TMC6: variants seen among roughly 807,000 people sequenced by gnomAD.
TMC6 encodes transmembrane channel like 6.
TMC6 carries 71 observed loss-of-function variants against 95.4 expected under a neutral mutation model. That is an observed-to-expected ratio of 0.74 (90% CI 0.61 to 0.91). The LOEUF (loss-of-function observed/expected upper bound fraction) is 0.91. TMC6 is among the 40% of genes least tolerant of loss of function. The pLI is 0.00. For synonymous variants in TMC6, 514 were observed against 483.1 expected (o/e 1.06, Z -0.84); for missense variants, 1,074 against 1,079.1 (o/e 1.00, Z 0.07).
rs774407923 is a variant in TMC6 at position 78,120,998 on chromosome 17, T to C, written c.1535+15A>G. The stretch of plus-strand genomic sequence containing the variant: ...GCTCCAGCACCAAATGATGTTTTCA[T>C]GTGCGGCCACACACCTGCAGATGGC... On this transcript the variant is annotated intron_variant, in intron 12 of 19. Transcript: ENST00000590602. 9 of 1,613,276 alleles carry C rather than the reference T, an allele frequency of 5.6e-6. No individual in the cohort carries two copies. The highest frequency in any genetic ancestry group is 1.7e-5 in the Admixed American group (1 of 60,024).
intron 19 of TMC6, 84 bp from the exon 20 acceptor site, chr17:78,113,295 G>A (rs1332785580): frequency 2.1e-6 from 3 of 1,460,046 alleles, no homozygotes; most frequent in Middle Eastern, 1.8e-4. Flanking sequence ...GGCCCGGCGA[G>A]GGACAGGCCA....
In TMC6 at chr17:78,109,407, CAG is replaced by C; in HGVS notation, c.*3739_*3740del. 2.2e-6 allele frequency: 1 copy of C among 456,078 alleles called. No individual in the cohort carries two copies. Among genetic ancestry groups the C allele is most frequent in the Non-Finnish European group, 4.4e-6 (1 of 226,720 alleles). 28.3% of individuals were successfully genotyped at this position (456,078 alleles called of 1,614,324 possible). ...AACAAAGCTGCTTAGCTCTGCATATCAGTGCTTCTCGGCGGAGCTGTGGCTGA... is the reference window on the plus strand; with the variant it reads ...AACAAAGCTGCTTAGCTCTGCATATCTGCTTCTCGGCGGAGCTGTGGCTGA... On this transcript the variant is annotated 3_prime_UTR_variant, in exon 20 of 20. Coordinates refer to ENST00000590602, the MANE Select transcript of TMC6 (RefSeq NM_001127198.5).
chr17:78,112,827 C>G lies in TMC6; in HGVS notation c.*321G>C, dbSNP rs902679325. On this transcript the variant is annotated 3_prime_UTR_variant, in exon 20 of 20. Transcript: ENST00000590602. ...GGCGCCCCCACTCCAGCTGAGGTTC[C>G]CAGGACCCAGACCTGCGCCTGGAGG... The G allele has an allele frequency of 4.5e-6, 2 of 439,864 alleles. No individual in the cohort carries two copies. Among genetic ancestry groups the G allele is most frequent in the Non-Finnish European group, 8.2e-6 (2 of 244,944 alleles). The allele number at this position is 439,864 out of a possible 1,614,324, so 27.2% of individuals were successfully genotyped here.
chr17:78,117,212 C>G, intron 18 of TMC6, 57 bp downstream of exon 18: 1 of 1,587,776 alleles, frequency 6.3e-7, no homozygotes, highest in Non-Finnish European at 8.6e-7. Context: ...AGGGGAGCGT[C>G]ACCCTCAGGT....
rs145120841 is a variant in TMC6 at position 78,121,580 on chromosome 17, G to A, written c.1359C>T (p.His453=). The change falls in exon 11 of 20, where the codon CAC becomes CAT. Residue 453 remains histidine, a synonymous_variant. Transcript: ENST00000590602. The surrounding 1 kb of genome is among the most constrained non-coding windows in gnomAD (Gnocchi z 5.6). ...CCTGGATCATGAACTCCGAGAAGAC[G>A]TGGACGGCCACGGCGCAGCCCAGCG... ...GTALGCAVAV[H]VFSEFMIQSP... 89 of 1,611,390 alleles carry A rather than the reference G, an allele frequency of 5.5e-5. No homozygotes were observed. The highest frequency in any genetic ancestry group is 7.1e-5 in the Non-Finnish European group (84 of 1,179,732).
Position 78,117,648 on chromosome 17 carries a change from G to A in TMC6, c.2022-4C>T. 6.4e-7 allele frequency: 1 copy of A among 1,566,186 alleles called. No homozygotes were observed. The highest frequency in any genetic ancestry group is 1.2e-5 in the South Asian group (1 of 85,978). On this transcript the variant is annotated splice_polypyrimidine_tract_variant and splice_region_variant and intron_variant, in intron 16 of 19. Transcript: ENST00000590602. ...GCAGGTGCTCGAGGGCTTCACCCTGGGGAAGATGCCGACCAGGAACCCTCA... is the reference window on the plus strand; with the variant it reads ...GCAGGTGCTCGAGGGCTTCACCCTGAGGAAGATGCCGACCAGGAACCCTCA...
Position 78,117,550 on chromosome 17 carries a change from G to A in TMC6, c.2116C>T (p.Pro706Ser), listed in dbSNP as rs1446801866. 6.3e-7 allele frequency: 1 copy of A among 1,599,058 alleles called. No homozygotes were observed. Among genetic ancestry groups the A allele is most frequent in the Non-Finnish European group, 8.5e-7 (1 of 1,174,484 alleles). Residue 706 changes from proline (P) to serine (S), a missense_variant, in exon 17 of 20, where the codon CCC (proline) becomes TCC (serine). Physicochemically the swap from Pro to Ser is moderately conservative, Grantham distance 74. Transcript: ENST00000590602. Reference sequence around the variant, plus strand: ...ACCCAGGGCAGCCAGGAGACCCTGGGGCCTGCCGCCTCCAGGTGGCGCACC... The same window carrying A: ...ACCCAGGGCAGCCAGGAGACCCTGGAGCCTGCCGCCTCCAGGTGGCGCACC... Reference protein sequence around the residue: ...VWVRHLEAAGPRVSWLPWVHR... With the variant: ...VWVRHLEAAGSRVSWLPWVHR...
At chr17:78,129,465 C>T (rs1482583543), upstream of TMC6, among the ~76,000 whole-genome samples, 1 of 152,130 alleles carries the variant, frequency 6.6e-6, no homozygotes, top group Non-Finnish European at 1.5e-5. The surrounding 1 kb of genome is among the most constrained non-coding windows in gnomAD (Gnocchi z 4.3). Context: ...ACTTAGTGGT[C>T]CACCTGGGAA....
rs9807014 is a variant in TMC6 at position 78,112,556 on chromosome 17, C to T, written c.*592G>A. On this transcript the variant is annotated 3_prime_UTR_variant, in exon 20 of 20. Coordinates refer to ENST00000590602, the MANE Select transcript of TMC6 (RefSeq NM_001127198.5). ...ACCTATGCCTGGGAGGCAACTGTCC[C>T]CACAACTCATTTGCAACTGATATGT... 25,514 of 163,356 alleles carry T rather than the reference C, an allele frequency of 0.16. 2,295 individuals carry two copies. Among genetic ancestry groups the T allele is most frequent in the East Asian group, 0.23 (1,212 of 5,362 alleles). 10.1% of individuals were successfully genotyped at this position (163,356 alleles called of 1,614,324 possible).
rs1345842200 is a variant in TMC6, at chr17:78,111,233, CG to C, written c.*1914del. ...GCCCCACAGCCTGGCCTGGTTGACA[CG>C]AAAGACTGACTAGCACACACGGTAA... is the stretch of plus-strand genomic sequence containing the variant. On this transcript the variant is annotated 3_prime_UTR_variant, in exon 20 of 20. Coordinates refer to ENST00000590602, the MANE Select transcript of TMC6 (RefSeq NM_001127198.5). 4.8e-4 allele frequency: 73 copies of C among 152,182 alleles called. No individual in the cohort carries two copies. The highest frequency in any genetic ancestry group is 1.7e-3 in the African/African-American group (72 of 41,330). 9.4% of individuals were successfully genotyped at this position (152,182 alleles called of 1,614,324 possible). A position where few individuals can be genotyped will look rare whatever the true frequency, so the allele number is the denominator to read the frequency against.
chr17:78,129,401 C>A (rs1409640911), upstream of TMC6, among the ~76,000 whole-genome samples: 2 of 152,156 alleles, frequency 1.3e-5, no homozygotes, highest in Non-Finnish European at 2.9e-5. The surrounding 1 kb of genome is among the most constrained non-coding windows in gnomAD (Gnocchi z 4.3). Context: ...GATGAGGAAA[C>A]TGAGGCTGAG....
At chr17:78,119,741 C>G (rs189616354) in intron 13 of TMC6, 117 of 402,228 alleles carry the variant, frequency 2.9e-4, no homozygotes, top group African/African-American at 2.2e-3. Context: ...ATCAAGCAGT[C>G]CTCCCACCTC....
chr17:78,120,580 G>A (rs2074362160), intron 13 of TMC6, 73 bp downstream of exon 13: 7 of 1,606,618 alleles, frequency 4.4e-6, no homozygotes, highest in Non-Finnish European at 6.0e-6. Flanking sequence ...CCAGGCCTGA[G>A]AACCTCCCGG....
At position 78,124,709 on chromosome 17, in the gene TMC6, G is replaced by A. The variant is rs753272370; in HGVS notation, c.706C>T (p.Arg236Cys). Residue 236 changes from arginine to cysteine, a missense_variant, in exon 8 of 20, where the codon CGC becomes TGC. Transcript: ENST00000590602. The part of the protein sequence containing the change: ...ALMPWRYALK[R>C]IGGQFGSSVL... ...CTGGAGCCGAACTGGCCCCCGATGC[G>A]CTTCAGGGCGTAGCGCCACGGCATC... 70 of 1,596,142 alleles carry A rather than the reference G, an allele frequency of 4.4e-5. No homozygotes were observed. Among genetic ancestry groups the A allele is most frequent in the African/African-American group, 8.0e-5 (6 of 74,580 alleles).
intron 18 of TMC6, among the ~76,000 whole-genome samples, chr17:78,114,829 C>A (rs1264749905): frequency 6.6e-6 from 1 of 152,202 alleles, no homozygotes; most frequent in African/African-American, 2.4e-5. Flanking sequence ...GACCGACAGC[C>A]CCAAAGACGG....
chr17:78,110,649 GA>G lies in TMC6; in HGVS notation c.*2498del, dbSNP rs75494718. 15,818 of 152,266 alleles carry G rather than the reference GA, an allele frequency of 0.1. 959 individuals carry two copies. Among genetic ancestry groups the G allele is most frequent in the East Asian group, 0.18 (931 of 5,172 alleles). 9.4% of individuals were successfully genotyped at this position (152,266 alleles called of 1,614,324 possible). ...ATCGCGGAGTCTTGTCATTCAGCCT[GA>G]AAATAGCATCAAGTTCCCATCCACT... On this transcript the variant is annotated 3_prime_UTR_variant, in exon 20 of 20. Transcript: ENST00000590602.
upstream of TMC6, among the ~76,000 whole-genome samples, chr17:78,130,081 C>T (rs764275278): frequency 2.0e-5 from 3 of 152,166 alleles, no homozygotes; most frequent in South Asian, 2.1e-4. Flanking sequence ...GGAAGGGCTG[C>T]GGGCTTCCCA....
intron 18 of TMC6, 103 bp downstream of exon 18, chr17:78,117,166 C>A (rs749795686): frequency 3.7e-5 from 48 of 1,289,316 alleles, no homozygotes; most frequent in Middle Eastern, 4.2e-4. Flanking sequence ...AACCCTTTCA[C>A]CAGCCAAGGC....
chr17:78,111,840 T>C lies in TMC6; in HGVS notation c.*1308A>G. On this transcript the variant is annotated 3_prime_UTR_variant, in exon 20 of 20. Transcript: ENST00000590602. The stretch of plus-strand genomic sequence containing the variant: ...ATCCCAAGCGCAGCTCCTGCAGGCC[T>C]GGAGCCCTGGGCTGTGACAGGCTGG... 4.8e-6 allele frequency: 1 copy of C among 207,816 alleles called. No homozygotes were observed. Among genetic ancestry groups the C allele is most frequent in the Non-Finnish European group, 1.0e-5 (1 of 99,964 alleles). 12.9% of individuals were successfully genotyped at this position (207,816 alleles called of 1,614,324 possible). A position where few individuals can be genotyped will look rare whatever the true frequency, so the allele number is the denominator to read the frequency against.
Sources: gnomAD v4.1 joint callset for allele counts (sites outside exome capture counted in the v4.1 genomes callset) on GRCh38, gnomAD v4.1.1 for gene constraint, Gnocchi (gnomAD v3.1) non-coding constraint, MANE v1.5 for transcripts, NCBI Gene and HGNC (gene_info 2026-07-23, HGNC 2026-07-21) for gene names.